The following NEDD4 variants were observed in gnomAD, a reference collection of about 807,000 sequenced individuals.
The protein encoded by NEDD4 is NEDD4 E3 ubiquitin protein ligase, also known as E3 ubiquitin-protein ligase NEDD4.
A neutral mutation model predicts 144.9 loss-of-function variants in NEDD4; 99 were observed. That is an observed-to-expected ratio of 0.68 (90% CI 0.58 to 0.81). NEDD4 has a LOEUF of 0.81. NEDD4 is among the 30% of genes least tolerant of loss of function. NEDD4 has a pLI of 0.00. For synonymous variants in NEDD4, 318 were observed against 350.6 expected (o/e 0.91, Z 1.04); for missense variants, 985 against 1,065.9 (o/e 0.92, Z 1.06).
At chr15:55,856,016 T>G in intron 12 of NEDD4, 115 bp downstream of exon 12, 2 of 801,066 alleles carry the variant, frequency 2.5e-6, no homozygotes, top group Non-Finnish European at 4.1e-6. Context: ...GGAGCCTACA[T>G]TCTGTGCTGT....
chr15:55,885,848 C>A (rs1352705792), intron 5 of NEDD4, among the ~76,000 whole-genome samples: 1 of 150,742 alleles, frequency 6.6e-6, no homozygotes, highest in African/African-American at 2.4e-5. Flanking sequence ...CTTTACTGAA[C>A]AATAATAACA....
At chr15:55,983,724 C>G (rs950128132) in intron 1 of NEDD4, among the ~76,000 whole-genome samples, 3 of 151,622 alleles carry the variant, frequency 2.0e-5, no homozygotes, top group Non-Finnish European at 4.4e-5. Flanking sequence ...AATTTTCCTG[C>G]CTCAGCCTCT....
chr15:55,968,328 C>G, intron 1 of NEDD4, among the ~76,000 whole-genome samples: 1 of 151,990 alleles, frequency 6.6e-6, no homozygotes, highest in East Asian at 1.9e-4. Flanking sequence ...TAGAATAGTT[C>G]TTTAGCATGT....
intron 5 of NEDD4, among the ~76,000 whole-genome samples, chr15:55,876,596 A>C (rs1420055637): frequency 6.6e-6 from 1 of 152,180 alleles, no homozygotes; most frequent in African/African-American, 2.4e-5. Flanking sequence ...CACAGAGAAG[A>C]GTTAAAATGG....
At chr15:55,844,965 A>T (rs2033679927) in intron 18 of NEDD4, among the ~76,000 whole-genome samples, 1 of 151,996 alleles carries the variant, frequency 6.6e-6, no homozygotes, top group African/African-American at 2.4e-5. Context: ...GAACCACTGC[A>T]CCTGGTGTTT....
intron 1 of NEDD4, among the ~76,000 whole-genome samples, chr15:55,978,137 G>A (rs113885354): frequency 6.6e-6 from 1 of 151,998 alleles, no homozygotes; most frequent in Non-Finnish European, 1.5e-5. Flanking sequence ...ATCCATGTTA[G>A]CCTCGACTGA....
At chr15:55,943,411 G>A (rs2037044850) in intron 4 of NEDD4, among the ~76,000 whole-genome samples, 1 of 152,092 alleles carries the variant, frequency 6.6e-6, no homozygotes, top group South Asian at 2.1e-4. Context: ...CCAGGCCCAG[G>A]GCCCTGCTGC....
chr15:55,908,622 AC>A (rs746082002), intron 5 of NEDD4, among the ~76,000 whole-genome samples: 5 of 152,180 alleles, frequency 3.3e-5, no homozygotes, highest in Non-Finnish European at 7.4e-5. Context: ...GACCTACTGA[AC>A]CAGAACCAGA....
intron 1 of NEDD4, among the ~76,000 whole-genome samples, chr15:55,973,860 C>CTTAAA (rs2037656076): frequency 6.7e-6 from 1 of 149,894 alleles, no homozygotes; most frequent in Admixed American, 6.6e-5. Context: ...CCTAGCTATG[C>CTTAAA]ATCTTAAAGA....
Position 55,929,705 on chromosome 15 carries a change from T to G in NEDD4, c.238-5006A>C, listed in dbSNP as rs931941458. Among the ~76,000 whole-genome samples, 4 of 152,200 alleles carry G rather than the reference T, an allele frequency of 2.6e-5. 1 individual carries two copies. The highest frequency in any genetic ancestry group is 2.6e-4 in the Admixed American group (4 of 15,278). On this transcript the variant is annotated intron_variant, in intron 4 of 28. Transcript: ENST00000435532. ...TTACCTAGAGAAACAACAGATGATT[T>G]TTCTGTTTTATCACTGTTAAGTATG...
At chr15:55,912,951 C>G (rs891668962) in intron 5 of NEDD4, among the ~76,000 whole-genome samples, 2 of 152,032 alleles carry the variant, frequency 1.3e-5, no homozygotes, top group Non-Finnish European at 2.9e-5. Context: ...AAACACAGAA[C>G]ACAGACAGTG....
chr15:55,874,260 C>T (rs1248081787), intron 5 of NEDD4, among the ~76,000 whole-genome samples: 2 of 152,166 alleles, frequency 1.3e-5, no homozygotes, highest in East Asian at 1.9e-4. Context: ...TTTGAAAGTA[C>T]AACAGAATGA....
chr15:55,924,909 A>G (rs1160693976), intron 4 of NEDD4, among the ~76,000 whole-genome samples: 1 of 152,142 alleles, frequency 6.6e-6, no homozygotes, highest in African/African-American at 2.4e-5. Flanking sequence ...CTCTACTAAA[A>G]ATACAAAAAT....
intron 12 of NEDD4, 137 bp from the exon 13 acceptor site, chr15:55,852,680 CT>C: frequency 3.6e-6 from 1 of 281,408 alleles, no homozygotes; most frequent in Non-Finnish European, 6.0e-6. Context: ...ACAGTTTTGC[CT>C]TTTCTAGAAA....
intron 2 of NEDD4, among the ~76,000 whole-genome samples, chr15:55,960,183 T>C (rs549325911): frequency 2.0e-5 from 3 of 152,318 alleles, no homozygotes; most frequent in African/African-American, 7.2e-5. Context: ...TGATGGGTAA[T>C]ATTGAGTGTC....
At chr15:55,856,066 C>CA in intron 12 of NEDD4, 65 bp downstream of exon 12, 1 of 1,439,000 alleles carries the variant, frequency 6.9e-7, no homozygotes. Context: ...CTCAATCTTC[C>CA]AAAAAATAAA....
At chr15:55,977,391 T>C (rs2037723767) in intron 1 of NEDD4, among the ~76,000 whole-genome samples, 3 of 152,348 alleles carry the variant, frequency 2.0e-5, no homozygotes, top group Admixed American at 1.3e-4. Context: ...GGCTATACTT[T>C]CTAGGTTTGT....
chr15:55,839,741 G>A (rs1340745403), intron 21 of NEDD4, among the ~76,000 whole-genome samples: 1 of 151,750 alleles, frequency 6.6e-6, no homozygotes, highest in Non-Finnish European at 1.5e-5. Flanking sequence ...ACTTTGGGAC[G>A]CTGAGGCAGG....
At chr15:55,852,938 C>A (rs955254900) in intron 12 of NEDD4, among the ~76,000 whole-genome samples, 2 of 151,808 alleles carry the variant, frequency 1.3e-5, no homozygotes, top group Admixed American at 1.3e-4. Flanking sequence ...TTAGTATCAA[C>A]AGGGTTTCAC....
Sources: allele counts gnomAD v4.1 joint callset (sites outside exome capture counted in the v4.1 genomes callset), GRCh38; gene constraint gnomAD v4.1.1; transcripts MANE v1.5; gene names NCBI Gene and HGNC (gene_info 2026-07-23, HGNC 2026-07-21).